The following CLIC4 variants were observed in gnomAD, a reference collection of about 807,000 sequenced individuals.
The protein encoded by CLIC4 is CLIC family member 4.
In CLIC4, 13 loss-of-function variants were observed where a neutral mutation model predicts 24.6. That is an observed-to-expected ratio of 0.53 (90% confidence interval 0.34 to 0.84). The LOEUF (loss-of-function observed/expected upper bound fraction) is 0.84, where lower values mean the gene tolerates loss of function less well. Among genes scored for constraint, CLIC4 ranks in the 40% least tolerant of loss-of-function variants. The pLI, the probability that CLIC4 is intolerant of heterozygous loss-of-function variation, is 0.01. For synonymous variants in CLIC4, 104 were observed against 111.3 expected, an observed-to-expected ratio of 0.93 and a Z score of 0.41; for missense variants, 227 against 301.7, an observed-to-expected ratio of 0.75 and a Z score of 1.83.
chr1:24,787,195 A>T (rs967121875), intron 1 of CLIC4, among the ~76,000 whole-genome samples: 4 of 152,250 alleles, frequency 2.6e-5, no homozygotes, highest in African/African-American at 9.6e-5. Context: ...ACATGAAATC[A>T]TAACTTTATG....
intron 3 of CLIC4, among the ~76,000 whole-genome samples, chr1:24,816,017 CCATT>C (rs757089980): frequency 5.9e-5 from 9 of 152,158 alleles, no homozygotes; most frequent in Admixed American, 3.3e-4. Flanking sequence ...AACTCCTCAT[CCATT>C]CAAATTTTAT....
chr1:24,838,813 G>A (rs767164974), intron 4 of CLIC4, among the ~76,000 whole-genome samples: 1 of 151,956 alleles, frequency 6.6e-6, no homozygotes, highest in Non-Finnish European at 1.5e-5. Context: ...ATATACAGTG[G>A]TGCTCTGTCC....
At chr1:24,768,581 T>C (rs1639033092) in intron 1 of CLIC4, among the ~76,000 whole-genome samples, 2 of 152,276 alleles carry the variant, frequency 1.3e-5, no homozygotes, top group Middle Eastern at 3.4e-3. Context: ...TTTTAGACTT[T>C]TTCATCTTAT....
At chr1:24,760,887 G>T (rs1470119481) in intron 1 of CLIC4, among the ~76,000 whole-genome samples, 1 of 152,076 alleles carries the variant, frequency 6.6e-6, no homozygotes, top group African/African-American at 2.4e-5. Flanking sequence ...GTTTAACGGG[G>T]CATTCCATTA....
At chr1:24,778,602 G>C (rs570196612) in intron 1 of CLIC4, among the ~76,000 whole-genome samples, 1 of 151,932 alleles carries the variant, frequency 6.6e-6, no homozygotes. Context: ...TGAAGAATTT[G>C]TAAGAAAAAA....
intron 4 of CLIC4, among the ~76,000 whole-genome samples, chr1:24,827,959 A>G (rs1186388996): frequency 6.6e-6 from 1 of 152,170 alleles, no homozygotes; most frequent in Non-Finnish European, 1.5e-5. Flanking sequence ...CCCAATAACC[A>G]AAAATGCTAG....
chr1:24,780,466 C>T (rs1420087724), intron 1 of CLIC4, among the ~76,000 whole-genome samples: 1 of 152,198 alleles, frequency 6.6e-6, no homozygotes, highest in Admixed American at 6.5e-5. Flanking sequence ...TGGCCCCTGC[C>T]AACACCACTT....
At chr1:24,799,034 G>T (rs1280883039) in intron 2 of CLIC4, among the ~76,000 whole-genome samples, 1 of 152,232 alleles carries the variant, frequency 6.6e-6, no homozygotes, top group Non-Finnish European at 1.5e-5. Context: ...GCCTCCCAAA[G>T]TGCCGAGATT....
chr1:24,748,958 A>G (rs889169518), intron 1 of CLIC4, among the ~76,000 whole-genome samples: 3 of 152,032 alleles, frequency 2.0e-5, no homozygotes, highest in Non-Finnish European at 4.4e-5. Context: ...GTGGTGGCAC[A>G]CTCCTGTAAT....
chr1:24,822,522 T>C (rs1356202297), intron 3 of CLIC4, among the ~76,000 whole-genome samples: 1 of 151,968 alleles, frequency 6.6e-6, no homozygotes, highest in Non-Finnish European at 1.5e-5. Flanking sequence ...CTAATTTTTG[T>C]ATTTTTAGTA....
chr1:24,799,632 C>T (rs1464310262), intron 2 of CLIC4, among the ~76,000 whole-genome samples: 3 of 142,694 alleles, frequency 2.1e-5, no homozygotes, highest in African/African-American at 5.5e-5. Flanking sequence ...CCAGCCGCCC[C>T]GTCGGGGAGG....
intron 3 of CLIC4, among the ~76,000 whole-genome samples, chr1:24,826,484 G>A (rs536652890): frequency 6.6e-6 from 1 of 152,172 alleles, no homozygotes; most frequent in South Asian, 2.1e-4. Context: ...GAGAAGGCGC[G>A]TGAGCTGTGC....
intron 1 of CLIC4, among the ~76,000 whole-genome samples, chr1:24,746,437 A>C (rs1456017296): frequency 6.6e-6 from 1 of 152,148 alleles, no homozygotes; most frequent in Non-Finnish European, 1.5e-5. Flanking sequence ...TCATGTGTGG[A>C]ATTTATTTGC....
At chr1:24,830,426 A>G in intron 4 of CLIC4, among the ~76,000 whole-genome samples, 1 of 151,626 alleles carries the variant, frequency 6.6e-6, no homozygotes. Context: ...AACCATTTCC[A>G]TGTTGATAGA....
intron 1 of CLIC4, among the ~76,000 whole-genome samples, chr1:24,773,797 T>C (rs1639100083): frequency 6.6e-6 from 1 of 151,792 alleles, no homozygotes; most frequent in South Asian, 2.1e-4. Context: ...GGGGTCTCAC[T>C]GTGTTGTCCA....
At chr1:24,786,536 C>G (rs1235230112) in intron 1 of CLIC4, among the ~76,000 whole-genome samples, 1 of 152,222 alleles carries the variant, frequency 6.6e-6, no homozygotes, top group East Asian at 1.9e-4. Context: ...TGCTAAGACT[C>G]TATCTAGAGA....
chr1:24,816,272 T>C (rs1490382605), intron 3 of CLIC4, among the ~76,000 whole-genome samples: 2 of 140,952 alleles, frequency 1.4e-5, no homozygotes, highest in East Asian at 4.6e-4. Context: ...GAGTTTTCGT[T>C]CTTATCGCCC....
intron 1 of CLIC4, among the ~76,000 whole-genome samples, chr1:24,760,875 C>T (rs1253611621): frequency 1.3e-5 from 2 of 152,038 alleles, no homozygotes; most frequent in Middle Eastern, 3.2e-3. Context: ...GTGCTATTTT[C>T]AGTTTAACGG....
At chr1:24,835,290 C>G (rs1254858849) in intron 4 of CLIC4, among the ~76,000 whole-genome samples, 1 of 152,180 alleles carries the variant, frequency 6.6e-6, no homozygotes, top group African/African-American at 2.4e-5. Flanking sequence ...GGGTCAGGTG[C>G]GGTGGCTCAC....
Sources: gnomAD v4.1 joint callset for allele counts (sites outside exome capture counted in the v4.1 genomes callset) on GRCh38, gnomAD v4.1.1 for gene constraint, MANE v1.5 for transcripts, NCBI Gene and HGNC (gene_info 2026-07-23, HGNC 2026-07-21) for gene names.